Variants in CADM2 observed in about 807,000 individuals in gnomAD.
CADM2 encodes the protein immunoglobulin superfamily member 4D.
A neutral mutation model predicts 49.8 loss-of-function variants in CADM2; 12 were observed. The observed-to-expected ratio is 0.24, with a 90% CI of 0.15 to 0.39. The LOEUF (loss-of-function observed/expected upper bound fraction) is 0.39. Among genes scored for constraint, CADM2 ranks in the 10% least tolerant of loss-of-function variants. The pLI is 1.00. For missense variants in CADM2, 378 were observed against 492.3 expected (o/e 0.77, Z 2.20); for synonymous variants, 214 against 175.4 (o/e 1.22, Z -1.74).
At chr3:85,220,128 A>C (rs1481898250) in intron 1 of CADM2, among the ~76,000 whole-genome samples, 5 of 152,032 alleles carry the variant, frequency 3.3e-5, no homozygotes, top group Admixed American at 3.3e-4. Flanking sequence ...AATACACTAA[A>C]ATTTTTTTGG....
At chr3:85,781,241 C>A (rs1254385018) in intron 2 of CADM2, among the ~76,000 whole-genome samples, 1 of 152,154 alleles carries the variant, frequency 6.6e-6, no homozygotes, top group African/African-American at 2.4e-5. Context: ...CCTTTCCATT[C>A]TGTCCTTCAT....
At chr3:85,392,655 A>G (rs922096498) in intron 1 of CADM2, among the ~76,000 whole-genome samples, 1 of 152,086 alleles carries the variant, frequency 6.6e-6, no homozygotes. Flanking sequence ...CTCCAGGTAA[A>G]TTCTGGTCAA....
chr3:84,977,909 T>C (rs2031932281), intron 1 of CADM2, among the ~76,000 whole-genome samples: 1 of 152,082 alleles, frequency 6.6e-6, no homozygotes, highest in African/African-American at 2.4e-5. Context: ...ATCTTTAAAT[T>C]TGGGGAAAAC....
At chr3:85,038,396 T>C (rs1019803526) in intron 1 of CADM2, among the ~76,000 whole-genome samples, 5 of 152,240 alleles carry the variant, frequency 3.3e-5, no homozygotes, top group Non-Finnish European at 5.9e-5. Flanking sequence ...CATAGGTAGT[T>C]TGGCTTACTT....
At chr3:85,486,402 A>G (rs1484866284) in intron 1 of CADM2, among the ~76,000 whole-genome samples, 2 of 152,190 alleles carry the variant, frequency 1.3e-5, no homozygotes, top group African/African-American at 4.8e-5. Context: ...AATATGCTGG[A>G]TTTCCATATT....
Position 85,772,388 on chromosome 3 carries a change from G to A in CADM2, c.89-29659G>A, listed in dbSNP as rs938742287. On this transcript the variant is annotated intron_variant, in intron 2 of 9. Transcript: ENST00000383699. The stretch of plus-strand genomic sequence containing the variant: ...TCTTATGTGTATGTATGCAGAAAAC[G>A]TGTGCATTGTCATTTTATCTGTGTG... Among the ~76,000 whole-genome samples the A allele has an allele frequency of 5.3e-5, 8 of 152,136 alleles. No homozygotes were observed. In the South Asian group the frequency reaches 1.5e-3, roughly 28 times the overall value.
intron 8 of CADM2, among the ~76,000 whole-genome samples, chr3:85,987,387 T>G (rs113793607): frequency 0.012 from 1,844 of 151,752 alleles, 41 homozygotes; most frequent in African/African-American, 0.041. Context: ...AATAAACAGG[T>G]CTATTTATAT....
At chr3:85,867,491 T>A (rs1235392560) in intron 3 of CADM2, among the ~76,000 whole-genome samples, 2 of 152,070 alleles carry the variant, frequency 1.3e-5, no homozygotes, top group East Asian at 3.8e-4. Context: ...ACATTTATGC[T>A]GTTGCCAGTC....
At chr3:85,706,758 A>T (rs2066963741) in intron 1 of CADM2, among the ~76,000 whole-genome samples, 1 of 152,174 alleles carries the variant, frequency 6.6e-6, no homozygotes, top group South Asian at 2.1e-4. Flanking sequence ...ATAAGCAAAA[A>T]GTCATTGCTT....
At chr3:85,070,984 G>C (rs1156231386) in intron 1 of CADM2, among the ~76,000 whole-genome samples, 1 of 120,998 alleles carries the variant, frequency 8.3e-6, no homozygotes, top group Non-Finnish European at 1.8e-5. Context: ...GCGAAACTCT[G>C]TCTCAATAAA....
intron 1 of CADM2, among the ~76,000 whole-genome samples, chr3:85,347,901 A>G (rs563188189): frequency 1.1e-3 from 159 of 151,162 alleles, no homozygotes; most frequent in African/African-American, 3.6e-3. Context: ...TCCGCCTCCT[A>G]GGTTCACGCC....
intron 1 of CADM2, among the ~76,000 whole-genome samples, chr3:85,293,437 A>G (rs1302178212): frequency 7.0e-6 from 1 of 141,988 alleles, no homozygotes; most frequent in Non-Finnish European, 1.5e-5. Flanking sequence ...AACTCATTTT[A>G]TGAGGCCAGC....
intron 1 of CADM2, among the ~76,000 whole-genome samples, chr3:85,253,801 A>G (rs918262798): frequency 6.6e-6 from 1 of 152,110 alleles, no homozygotes; most frequent in Admixed American, 6.6e-5. Flanking sequence ...AATTTGGGTA[A>G]TTAAATTGCT....
chr3:84,972,261 T>C (rs2031503485), intron 1 of CADM2, among the ~76,000 whole-genome samples: 1 of 152,242 alleles, frequency 6.6e-6, no homozygotes, highest in African/African-American at 2.4e-5. Context: ...ACTGCAGAGA[T>C]GGCATTTTTC....
chr3:85,946,578 G>A (rs1029934147), intron 7 of CADM2, among the ~76,000 whole-genome samples: 10 of 151,858 alleles, frequency 6.6e-5, no homozygotes, highest in Non-Finnish European at 1.2e-4. Context: ...AAACAGCATG[G>A]TACTGGTACC....
intron 1 of CADM2, among the ~76,000 whole-genome samples, chr3:85,712,463 T>C (rs1304448742): frequency 6.6e-6 from 1 of 152,214 alleles, no homozygotes; most frequent in Non-Finnish European, 1.5e-5. Flanking sequence ...AGTGATCTTT[T>C]AAACAGAGTC....
intron 3 of CADM2, among the ~76,000 whole-genome samples, chr3:85,857,226 T>G (rs1277857679): frequency 6.6e-6 from 1 of 152,078 alleles, no homozygotes; most frequent in Non-Finnish European, 1.5e-5. Flanking sequence ...ACCATCACAT[T>G]AGGAGGCTGG....
chr3:85,144,395 G>C (rs1035454848), intron 1 of CADM2, among the ~76,000 whole-genome samples: 1 of 151,990 alleles, frequency 6.6e-6, no homozygotes, highest in Admixed American at 6.6e-5. Flanking sequence ...CAGATCACTT[G>C]AGATCAAGGG....
chr3:85,921,610 G>A (rs141366779), intron 6 of CADM2, among the ~76,000 whole-genome samples: 4 of 152,008 alleles, frequency 2.6e-5, no homozygotes, highest in African/African-American at 7.2e-5. Context: ...AATATCTTGC[G>A]TTATTGTGTT....
Sources: gnomAD v4.1 joint callset for allele counts (sites outside exome capture counted in the v4.1 genomes callset) on GRCh38, gnomAD v4.1.1 for gene constraint, MANE v1.5 for transcripts, NCBI Gene and HGNC (gene_info 2026-07-23, HGNC 2026-07-21) for gene names.